Variants in PPP1R26 observed in about 807,000 individuals in gnomAD.
The protein encoded by PPP1R26 is 1A6/DRIM (down-regulated in metastasis) interacting protein.
A neutral mutation model predicts 67.6 loss-of-function variants in PPP1R26; 22 were observed. The ratio of observed to expected loss-of-function variants is 0.33; its 90% CI spans 0.23 to 0.46. The LOEUF (loss-of-function observed/expected upper bound fraction) is 0.46. PPP1R26 is among the 20% of genes least tolerant of loss of function. PPP1R26 has a pLI of 1.00. For missense variants in PPP1R26, 1,602 were observed against 1,651.4 expected (o/e 0.97, Z 0.52); for synonymous variants, 729 against 717.2 (o/e 1.02, Z -0.26).
chr9:135,482,116 T>C (rs184381753), intron 1 of PPP1R26, among the ~76,000 whole-genome samples: 476 of 152,262 alleles, frequency 3.1e-3, no homozygotes, highest in Non-Finnish European at 5.9e-3. Context: ...TTTCTTAAGG[T>C]AGTATTTAAG....
Position 135,485,530 on chromosome 9 carries a change from C to A in PPP1R26, c.1020C>A (p.Ser340Arg), listed in dbSNP as rs576925835. ...AAQNKGGIKR[S>R]ASAARRGKRV... The stretch of plus-strand genomic sequence containing the variant: ...AGAATAAAGGTGGGATCAAAAGGAG[C>A]GCCAGCGCTGCAAGGAGGGGAAAGC... Residue 340 changes from serine (S) to arginine (R), a missense_variant, in exon 4 of 4, where the codon AGC (serine) becomes AGA (arginine). By Grantham distance (110) the Ser-to-Arg change is moderately radical. Coordinates refer to ENST00000356818, the MANE Select transcript of PPP1R26 (RefSeq NM_014811.5). The surrounding 1 kb of genome is among the most constrained non-coding windows in gnomAD (Gnocchi z 7.2). The A allele has an allele frequency of 3.7e-6, 6 of 1,613,206 alleles. No homozygotes were observed. The East Asian group carries it at 1.3e-4, about 36-fold the overall frequency.
rs776243304 is a variant in PPP1R26, at chr9:135,487,543, G to A, written c.3033G>A (p.Pro1011=). The change falls in exon 4 of 4, where the codon CCG becomes CCA. Residue 1011 remains proline, a synonymous_variant. Coordinates refer to ENST00000356818, the MANE Select transcript of PPP1R26 (RefSeq NM_014811.5). Reference sequence around the variant, plus strand: ...GCCCGAGCTTCCTGACCCCCAGCCCGGGAGCGGAGAGGGACGCTGGAGCCC... The same window carrying A: ...GCCCGAGCTTCCTGACCCCCAGCCCAGGAGCGGAGAGGGACGCTGGAGCCC... ...CGSPSFLTPS[P]GAERDAGAQA... 33 of 1,583,106 alleles carry A rather than the reference G, an allele frequency of 2.1e-5. No homozygotes were observed. The highest frequency in any genetic ancestry group is 2.7e-5 in the Non-Finnish European group (31 of 1,166,200).
At position 135,486,219 on chromosome 9, in the gene PPP1R26, G is replaced by T. The variant is rs1166134858; in HGVS notation, c.1709G>T (p.Gly570Val). 6.2e-7 allele frequency: 1 copy of T among 1,612,840 alleles called. No individual in the cohort carries two copies. The highest frequency in any genetic ancestry group is 1.3e-5 in the African/African-American group (1 of 74,944). The change falls in exon 4 of 4, where the codon GGC (glycine) becomes GTC (valine). Residue 570 changes from glycine (G) to valine (V), a missense_variant. Physicochemically the swap from Gly to Val is moderately radical, Grantham distance 109. This residue lies in a region of PPP1R26 where 680 missense variants were observed against 726.1 expected (regional missense o/e 0.94). Transcript: ENST00000356818. The surrounding 1 kb of genome is among the most constrained non-coding windows in gnomAD (Gnocchi z 6.2). ...GCCCAGGGTCCACTTTTGCCGCCTGGCCTCAACAGCCAGACCGGCGGCCAC... is the reference window on the plus strand; with the variant it reads ...GCCCAGGGTCCACTTTTGCCGCCTGTCCTCAACAGCCAGACCGGCGGCCAC... ...QAAQGPLLPPGLNSQTGGHKT... is the reference protein window; with the variant it reads ...QAAQGPLLPPVLNSQTGGHKT...
Position 135,487,231 on chromosome 9 carries a change from C to T in PPP1R26, c.2721C>T (p.Gly907=), listed in dbSNP as rs1249594468. The T allele has an allele frequency of 1.1e-5, 17 of 1,584,912 alleles. No individual in the cohort carries two copies. Among genetic ancestry groups the T allele is most frequent in the Non-Finnish European group, 1.0e-5 (12 of 1,167,402 alleles). Residue 907 remains glycine, a synonymous_variant, in exon 4 of 4, where the codon GGC becomes GGT. Coordinates refer to ENST00000356818, the MANE Select transcript of PPP1R26 (RefSeq NM_014811.5). The part of the protein sequence containing the change: ...GVPHLAEGLR[G]TESAGAQGTA... ...CACATCTGGCCGAAGGGCTTCGAGG[C>T]ACAGAGAGCGCAGGAGCACAGGGCA...
Position 135,486,659 on chromosome 9 carries a change from G to A in PPP1R26, c.2149G>A (p.Ala717Thr). ...GAAGAGGTGCAGGGAGCCCAGGGCT[G>A]CGTGCAGGAAGAAGGTCAGGTTCAG... The part of the protein sequence containing the change: ...LKKRCREPRA[A>T]CRKKVRFSTA... Residue 717 changes from alanine to threonine, a missense_variant, in exon 4 of 4, where the codon GCG becomes ACG. This residue lies in a region of PPP1R26 where 740 missense variants were observed against 696.3 expected (regional missense o/e 1.06). Transcript: ENST00000356818. This position sits in a 1 kb window ranked among gnomAD's most constrained non-coding sequence, Gnocchi z 6.2. 1 of 1,609,732 alleles carries A rather than the reference G, an allele frequency of 6.2e-7. No individual in the cohort carries two copies.
chr9:135,486,165 T>A lies in PPP1R26; in HGVS notation c.1655T>A (p.Leu552Gln). 1 of 1,613,050 alleles carries A rather than the reference T, an allele frequency of 6.2e-7. No homozygotes were observed. Among genetic ancestry groups the A allele is most frequent in the Non-Finnish European group, 8.5e-7 (1 of 1,180,040 alleles). Residue 552 changes from leucine to glutamine, a missense_variant, in exon 4 of 4, where the codon CTG becomes CAG. Physicochemically the swap from Leu to Gln is moderately radical, Grantham distance 113. Transcript: ENST00000356818. The surrounding 1 kb of genome is among the most constrained non-coding windows in gnomAD (Gnocchi z 6.2). ...LALKAQSGSL[L>Q]ARGESCPQAA... ...CTAAAGGCGCAGTCAGGGAGTTTGCTGGCCAGAGGTGAGAGCTGCCCGCAG... is the reference window on the plus strand; with the variant it reads ...CTAAAGGCGCAGTCAGGGAGTTTGCAGGCCAGAGGTGAGAGCTGCCCGCAG...
In PPP1R26 at chr9:135,487,758, C is replaced by G; in HGVS notation, c.3248C>G (p.Ser1083Cys). 6.7e-7 allele frequency: 1 copy of G among 1,488,290 alleles called. No individual in the cohort carries two copies. The allele number at this position is 1,488,290 out of a possible 1,614,324, so 92.2% of individuals were successfully genotyped here. A position where few individuals can be genotyped will look rare whatever the true frequency, so the allele number is the denominator to read the frequency against. ...CTTGCGGGCTTCTCGCCGCTGCTGT[C>G]CACCCAGCTCTTCCACTTTGGAAAG... ...LPLAGFSPLLSTQLFHFGKGV... is the reference protein window; with the variant it reads ...LPLAGFSPLLCTQLFHFGKGV... The change falls in exon 4 of 4, where the codon TCC becomes TGC. Residue 1083 changes from serine (S) to cysteine (C), a missense_variant. Around this residue, in one of 5 missense-constraint regions of PPP1R26, gnomAD observed 740 missense variants for 696.3 expected, o/e 1.06. Coordinates refer to ENST00000356818, the MANE Select transcript of PPP1R26 (RefSeq NM_014811.5).
At position 135,487,840 on chromosome 9, in the gene PPP1R26, T is replaced by G; in HGVS notation, c.3330T>G (p.Pro1110=). 1 of 1,594,256 alleles carries G rather than the reference T, an allele frequency of 6.3e-7. No homozygotes were observed. Among genetic ancestry groups the G allele is most frequent in the Non-Finnish European group, 8.5e-7 (1 of 1,172,402 alleles). ...AGLFSPHLGL[P]LQGPSFSAFR... ...TCTTCAGCCCCCACCTGGGGCTGCCTCTGCAGGGCCCCTCCTTCTCGGCCT... is the reference window on the plus strand; with the variant it reads ...TCTTCAGCCCCCACCTGGGGCTGCCGCTGCAGGGCCCCTCCTTCTCGGCCT... The change falls in exon 4 of 4, where the codon CCT becomes CCG. Residue 1110 remains proline (P), a synonymous_variant. Coordinates refer to ENST00000356818, the MANE Select transcript of PPP1R26 (RefSeq NM_014811.5).
In PPP1R26 at chr9:135,484,661, A is replaced by G. The variant is rs201226416; in HGVS notation, c.151A>G (p.Ile51Val). The change falls in exon 4 of 4, where the codon ATC becomes GTC. Residue 51 changes from isoleucine (I) to valine (V), a missense_variant. By Grantham distance (29) the Ile-to-Val change is conservative (BLOSUM62 3). This residue lies in a region of PPP1R26 where 168 missense variants were observed against 176.1 expected (regional missense o/e 0.95). Coordinates refer to ENST00000356818, the MANE Select transcript of PPP1R26 (RefSeq NM_014811.5). Reference protein sequence around the residue: ...ASVSARVQMLISTLQRDGAAR... With the variant: ...ASVSARVQMLVSTLQRDGAAR... ...GGTGAGCGCCCGGGTGCAGATGCTT[A>G]TCAGCACTCTGCAGCGCGACGGGGC... The G allele has an allele frequency of 1.9e-6, 3 of 1,611,274 alleles. No individual in the cohort carries two copies. The highest frequency in any genetic ancestry group is 2.2e-5 in the East Asian group (1 of 44,870).
In PPP1R26 at chr9:135,484,442, C is replaced by T. The variant is rs1039822682; in HGVS notation, c.-62-7C>T. The T allele has an allele frequency of 9.4e-6, 13 of 1,387,662 alleles. No homozygotes were observed. Among genetic ancestry groups the T allele is most frequent in the African/African-American group, 7.3e-5 (5 of 68,762 alleles). The allele number at this position is 1,387,662 out of a possible 1,614,324, so 86.0% of individuals were successfully genotyped here. ...GCATCATGCCCATGTGCTTTCTTTC[C>T]GCCCAGGATGTGAAGCCGGTAGAGA... On this transcript the variant is annotated splice_polypyrimidine_tract_variant and splice_region_variant and intron_variant, in intron 3 of 3. Coordinates refer to ENST00000356818, the MANE Select transcript of PPP1R26 (RefSeq NM_014811.5).
Position 135,487,534 on chromosome 9 carries a change from C to A in PPP1R26, c.3024C>A (p.Thr1008=). The change falls in exon 4 of 4, where the codon ACC becomes ACA. Residue 1008 remains threonine, a synonymous_variant. Coordinates refer to ENST00000356818, the MANE Select transcript of PPP1R26 (RefSeq NM_014811.5). ...GCTGCGGGAGCCCGAGCTTCCTGAC[C>A]CCCAGCCCGGGAGCGGAGAGGGACG... ...HMGCGSPSFL[T]PSPGAERDAG... is the part of the protein sequence containing the mutation. The A allele has an allele frequency of 6.3e-7, 1 of 1,592,884 alleles. No homozygotes were observed. Among genetic ancestry groups the A allele is most frequent in the Non-Finnish European group, 8.5e-7 (1 of 1,170,936 alleles).
At position 135,487,905 on chromosome 9, in the gene PPP1R26, G is replaced by C. The variant is rs757376406; in HGVS notation, c.3395G>C (p.Ser1132Thr). The change falls in exon 4 of 4, where the codon AGC becomes ACC. Residue 1132 changes from serine (S) to threonine (T), a missense_variant. By Grantham distance (58) the Ser-to-Thr change is moderately conservative. Coordinates refer to ENST00000356818, the MANE Select transcript of PPP1R26 (RefSeq NM_014811.5). Reference sequence around the variant, plus strand: ...GCCGGACCCAGCCCTGTCTTTGGAAGCCCACACTTGCTGGCAAAGAAGGAC... The same window carrying C: ...GCCGGACCCAGCCCTGTCTTTGGAACCCCACACTTGCTGGCAAAGAAGGAC... ...AQAGPSPVFG[S>T]PHLLAKKDGG... The C allele has an allele frequency of 3.8e-6, 6 of 1,574,556 alleles. No homozygotes were observed. Among genetic ancestry groups the C allele is most frequent in the Non-Finnish European group, 5.2e-6 (6 of 1,161,630 alleles).
In PPP1R26 at chr9:135,487,637, C is replaced by A; in HGVS notation, c.3127C>A (p.Arg1043Ser). ...TCGGCTGCCCAGCCCGTGGGTGCTG[C>A]GCTCCGAAGGCAGAGATGCAGTGTG... ...QSRLPSPWVL[R>S]SEGRDAVWRG... The change falls in exon 4 of 4, where the codon CGC (arginine) becomes AGC (serine). Residue 1043 changes from arginine (R) to serine (S), a missense_variant. Coordinates refer to ENST00000356818, the MANE Select transcript of PPP1R26 (RefSeq NM_014811.5). The A allele has an allele frequency of 6.8e-6, 10 of 1,477,970 alleles. No homozygotes were observed. Among genetic ancestry groups the A allele is most frequent in the Non-Finnish European group, 9.0e-6 (10 of 1,114,114 alleles). The allele number at this position is 1,477,970 out of a possible 1,614,324, so 91.6% of individuals were successfully genotyped here. A position where few individuals can be genotyped will look rare whatever the true frequency, so the allele number is the denominator to read the frequency against.
intron 1 of PPP1R26, among the ~76,000 whole-genome samples, chr9:135,482,426 TGCCCCA>T (rs1333050268): frequency 6.6e-6 from 1 of 152,196 alleles, no homozygotes; most frequent in Admixed American, 6.5e-5. Flanking sequence ...GTCACATACG[TGCCCCA>T]TCCCCATCAC....
intron 1 of PPP1R26, 197 bp downstream of exon 1, chr9:135,480,219 C>T (rs1830462659): frequency 6.6e-6 from 1 of 151,702 alleles, no homozygotes; most frequent in South Asian, 2.1e-4. Context: ...TGTCTCTGGC[C>T]TCCGTGCGAC....
At position 135,479,841 on chromosome 9, in the gene PPP1R26, G is replaced by A. The variant is rs1434242065; in HGVS notation, c.-510G>A. 6.9e-6 allele frequency: 1 copy of A among 144,092 alleles called. No homozygotes were observed. The allele number at this position is 144,092 out of a possible 1,614,324, so 8.9% of individuals were successfully genotyped here. The stretch of plus-strand genomic sequence containing the variant: ...CGGGGCGGCGGCAGCGGCGGCGCGC[G>A]GGGAGGCGGGGAGGCGGGGGGCCCG... On this transcript the variant is annotated 5_prime_UTR_variant, in exon 1 of 4. Transcript: ENST00000356818. The surrounding 1 kb of genome is among the most constrained non-coding windows in gnomAD (Gnocchi z 5.9).
rs765339248 is a variant in PPP1R26, at chr9:135,485,857, C to T, written c.1347C>T (p.Leu449=). Residue 449 remains leucine, a synonymous_variant, in exon 4 of 4, where the codon CTC becomes CTT. Transcript: ENST00000356818. This position sits in a 1 kb window ranked among gnomAD's most constrained non-coding sequence, Gnocchi z 7.2. ...GGLDTDHAPK[L]LKETKAPPPA... is the part of the protein sequence containing the mutation. The stretch of plus-strand genomic sequence containing the variant: ...TGGACACTGACCATGCCCCCAAGCT[C>T]CTGAAGGAAACCAAAGCTCCACCTC... 6.2e-7 allele frequency: 1 copy of T among 1,613,428 alleles called. No individual in the cohort carries two copies. Among genetic ancestry groups the T allele is most frequent in the Admixed American group, 1.7e-5 (1 of 60,002 alleles).
At position 135,485,647 on chromosome 9, in the gene PPP1R26, A is replaced by C. The variant is rs780128336; in HGVS notation, c.1137A>C (p.Lys379Asn). 7 of 1,612,826 alleles carry C rather than the reference A, an allele frequency of 4.3e-6. No homozygotes were observed. The highest frequency in any genetic ancestry group is 5.9e-6 in the Non-Finnish European group (7 of 1,180,018). The change falls in exon 4 of 4, where the codon AAA becomes AAC. Residue 379 changes from lysine to asparagine, a missense_variant. By Grantham distance (94) the Lys-to-Asn change is moderately conservative. Coordinates refer to ENST00000356818, the MANE Select transcript of PPP1R26 (RefSeq NM_014811.5). The surrounding 1 kb of genome is among the most constrained non-coding windows in gnomAD (Gnocchi z 7.2). The stretch of plus-strand genomic sequence containing the variant: ...CCATCCAGCTGTACCAGCTGCAGAA[A>C]ACACGCAAGGAGGCCGACGGGGACC... ...EEAIQLYQLQ[K>N]TRKEADGDLP... is the part of the protein sequence containing the mutation.
At position 135,485,542 on chromosome 9, in the gene PPP1R26, A is replaced by G; in HGVS notation, c.1032A>G (p.Ala344=). The change falls in exon 4 of 4, where the codon GCA becomes GCG. Residue 344 remains alanine, a synonymous_variant. Transcript: ENST00000356818. The surrounding 1 kb of genome is among the most constrained non-coding windows in gnomAD (Gnocchi z 7.2). ...GGATCAAAAGGAGCGCCAGCGCTGC[A>G]AGGAGGGGAAAGCGAGTCATGAGTG... ...KGGIKRSASA[A]RRGKRVMSAA... is the part of the protein sequence containing the mutation. 6.2e-7 allele frequency: 1 copy of G among 1,613,248 alleles called. No individual in the cohort carries two copies. The highest frequency in any genetic ancestry group is 8.5e-7 in the Non-Finnish European group (1 of 1,180,024).
Sources: gnomAD v4.1 joint callset for allele counts (sites outside exome capture counted in the v4.1 genomes callset) on GRCh38, gnomAD v4.1.1 for gene constraint, gnomAD v4.1.1 regional missense constraint, Gnocchi (gnomAD v3.1) non-coding constraint, MANE v1.5 for transcripts, NCBI Gene and HGNC (gene_info 2026-07-23, HGNC 2026-07-21) for gene names.